Variants in DYNC1LI1 observed in about 807,000 individuals in gnomAD.
DYNC1LI1 encodes cytoplasmic dynein 1 light intermediate chain 1.
In DYNC1LI1, 19 loss-of-function variants were observed where a neutral mutation model predicts 63.8. That is an observed-to-expected ratio of 0.30 (90% confidence interval 0.21 to 0.44). DYNC1LI1 has a LOEUF of 0.44. DYNC1LI1 is among the 20% of genes least tolerant of loss of function. The pLI is 1.00. For missense variants in DYNC1LI1, 565 were observed against 630.2 expected, an observed-to-expected ratio of 0.90 and a Z score of 1.11; for synonymous variants, 225 against 232.3, an observed-to-expected ratio of 0.97 and a Z score of 0.28.
At chr3:32,568,407 G>T (rs1698297565) in intron 2 of DYNC1LI1, among the ~76,000 whole-genome samples, 1 of 152,036 alleles carries the variant, frequency 6.6e-6, no homozygotes, top group African/African-American at 2.4e-5. Context: ...TTCCAAAGCT[G>T]AAAAGGACTC....
In DYNC1LI1 at chr3:32,570,432, A is replaced by T; in HGVS notation, c.147-13T>A. ...GAGGATGCAGGACCTAACGGGAAGC[A>T]AGGCGTACGGTGAGGCCGGAGGCCG... On this transcript the variant is annotated splice_polypyrimidine_tract_variant and intron_variant, in intron 1 of 12. Transcript: ENST00000273130. 6.3e-7 allele frequency: 1 copy of T among 1,592,030 alleles called. No homozygotes were observed.
chr3:32,558,403 TAAAAAAAAA>T (rs533076265), intron 2 of DYNC1LI1, among the ~76,000 whole-genome samples: 1 of 90,392 alleles, frequency 1.1e-5, no homozygotes, highest in African/African-American at 4.5e-5. Flanking sequence ...TTTAAAAATG[TAAAAAAAAA>T]AAAAAAAAAA....
At chr3:32,550,863 C>T (rs1698028218) in intron 2 of DYNC1LI1, among the ~76,000 whole-genome samples, 1 of 152,098 alleles carries the variant, frequency 6.6e-6, no homozygotes, top group Non-Finnish European at 1.5e-5. Context: ...TGTGGTGGCT[C>T]ATGCCTGCAA....
chr3:32,550,392 T>A (rs758414107), intron 2 of DYNC1LI1, among the ~76,000 whole-genome samples: 5 of 152,128 alleles, frequency 3.3e-5, no homozygotes, highest in Non-Finnish European at 7.4e-5. Context: ...GATTGCGCCA[T>A]TGCACTCCAG....
At chr3:32,545,503 A>T (rs1298558371) in intron 3 of DYNC1LI1, 2 of 327,436 alleles carry the variant, frequency 6.1e-6, no homozygotes, top group East Asian at 7.7e-5. Flanking sequence ...GCTGATAGAT[A>T]AAAAAGCTGA....
chr3:32,561,928 A>G (rs564522244), intron 2 of DYNC1LI1, among the ~76,000 whole-genome samples: 2 of 152,236 alleles, frequency 1.3e-5, no homozygotes, highest in Non-Finnish European at 2.9e-5. Flanking sequence ...TTGCAAACAA[A>G]TAATATAAAT....
At chr3:32,548,023 T>C (rs1040360998) in intron 2 of DYNC1LI1, among the ~76,000 whole-genome samples, 1 of 152,022 alleles carries the variant, frequency 6.6e-6, no homozygotes, top group African/African-American at 2.4e-5. Context: ...ATATATATTA[T>C]ACACACACAT....
chr3:32,542,983 A>C lies in DYNC1LI1; in HGVS notation c.569-1777T>G, dbSNP rs139746178. Among the ~76,000 whole-genome samples, 216 of 152,326 alleles carry C rather than the reference A, an allele frequency of 1.4e-3. 1 individual carries two copies. The highest frequency in any genetic ancestry group is 5.0e-3 in the African/African-American group (206 of 41,554). On this transcript the variant is annotated intron_variant, in intron 4 of 12. Transcript: ENST00000273130. ...GGCTGTAATCTAATAGTGGCTGTCAAATTTTATCATGCACCAGAATCACTT... is the reference window on the plus strand; with the variant it reads ...GGCTGTAATCTAATAGTGGCTGTCACATTTTATCATGCACCAGAATCACTT...
chr3:32,545,988 A>T, intron 2 of DYNC1LI1, 23 bp from the exon 3 acceptor site: 1 of 1,455,032 alleles, frequency 6.9e-7, no homozygotes, highest in South Asian at 1.2e-5. Context: ...AAAAAGGATA[A>T]ATCTTATAAA....
At chr3:32,530,194 C>T (rs1235924086) in intron 10 of DYNC1LI1, 90 bp downstream of exon 10, 7 of 1,034,304 alleles carry the variant, frequency 6.8e-6, no homozygotes, top group South Asian at 6.7e-5. Context: ...TCAAAGCACA[C>T]CCATATGAAA....
chr3:32,559,390 C>T (rs901731465), intron 2 of DYNC1LI1, among the ~76,000 whole-genome samples: 2 of 152,046 alleles, frequency 1.3e-5, no homozygotes, highest in Admixed American at 6.6e-5. Context: ...ACAGGTGCAT[C>T]CACCATGCCT....
At chr3:32,550,451 A>G (rs1275908447) in intron 2 of DYNC1LI1, among the ~76,000 whole-genome samples, 2 of 152,196 alleles carry the variant, frequency 1.3e-5, no homozygotes, top group African/African-American at 2.4e-5. Flanking sequence ...AAACAAAAAA[A>G]CAAAACTGTC....
chr3:32,565,837 G>A (rs897821961), intron 2 of DYNC1LI1, among the ~76,000 whole-genome samples: 1 of 152,162 alleles, frequency 6.6e-6, no homozygotes, highest in African/African-American at 2.4e-5. Context: ...TCGAACTCTT[G>A]ACCTCAGGTG....
In DYNC1LI1 at chr3:32,530,505, C is replaced by T. The variant is rs1697681870; in HGVS notation, c.1096G>A (p.Glu366Lys). 1 of 1,612,976 alleles carries T rather than the reference C, an allele frequency of 6.2e-7. No individual in the cohort carries two copies. Among genetic ancestry groups the T allele is most frequent in the African/African-American group, 1.3e-5 (1 of 74,886 alleles). Residue 366 changes from glutamate (E) to lysine (K), a missense_variant, in exon 9 of 13, where the codon GAA becomes AAA. Transcript: ENST00000273130. ...ACCTGATCATCTTCTGCCATAATTT[C>T]CTTCTCATGTACAAACTGAAATGAG... ...PPVRKFVHEK[E>K]IMAEDDQVFL... is the part of the protein sequence containing the mutation.
rs562994821 is a variant in DYNC1LI1 at position 32,542,280 on chromosome 3, T to A, written c.569-1074A>T. ...CACCACACCTGGCTAACTTTTTATT[T>A]TTGTAGAGATGGGGTCTCACTATGT... On this transcript the variant is annotated intron_variant, in intron 4 of 12. Coordinates refer to ENST00000273130, the MANE Select transcript of DYNC1LI1 (RefSeq NM_016141.4). Among the ~76,000 whole-genome samples the A allele has an allele frequency of 1.7e-4, 26 of 152,262 alleles. 1 individual carries two copies. Among genetic ancestry groups the A allele is most frequent in the Admixed American group, 1.4e-3 (21 of 15,294 alleles).
chr3:32,566,402 A>T (rs1251580320), intron 2 of DYNC1LI1, among the ~76,000 whole-genome samples: 1 of 152,186 alleles, frequency 6.6e-6, no homozygotes, highest in African/African-American at 2.4e-5. Flanking sequence ...GAGTTTTCTT[A>T]TCAAAACATG....
intron 2 of DYNC1LI1, among the ~76,000 whole-genome samples, chr3:32,566,255 G>C (rs1384685841): frequency 2.0e-5 from 3 of 151,840 alleles, no homozygotes; most frequent in South Asian, 4.2e-4. Context: ...CTGGGTGACA[G>C]AGTAAGACCC....
intron 2 of DYNC1LI1, among the ~76,000 whole-genome samples, chr3:32,564,961 A>C (rs544901545): frequency 6.6e-6 from 1 of 152,212 alleles, no homozygotes; most frequent in Non-Finnish European, 1.5e-5. Flanking sequence ...TAGCTCAAGC[A>C]TAATAGTTTT....
chr3:32,538,854 AAC>A (rs991500367), intron 5 of DYNC1LI1, among the ~76,000 whole-genome samples: 11 of 152,152 alleles, frequency 7.2e-5, no homozygotes, highest in East Asian at 1.9e-4. Context: ...TCCCTTTGGA[AAC>A]ACACATTTCT....
Sources: allele counts gnomAD v4.1 joint callset (sites outside exome capture counted in the v4.1 genomes callset), GRCh38; gene constraint gnomAD v4.1.1; transcripts MANE v1.5; gene names NCBI Gene and HGNC (gene_info 2026-07-23, HGNC 2026-07-21).